EPHB6: variants seen among roughly 807,000 people sequenced by gnomAD.
EPHB6 encodes EPH receptor B6, also known as ephrin type-B receptor 6.
EPHB6 carries 51 observed loss-of-function variants against 107.0 expected under a neutral mutation model. That is an observed-to-expected ratio of 0.48 (90% CI 0.38 to 0.60). The LOEUF (loss-of-function observed/expected upper bound fraction) is 0.60. Among genes scored for constraint, EPHB6 ranks in the 20% least tolerant of loss-of-function variants. The pLI, the probability that EPHB6 is intolerant of heterozygous loss-of-function variation, is 0.00. For synonymous variants in EPHB6, 553 were observed against 549.0 expected, an observed-to-expected ratio of 1.01 and a Z score of -0.10; for missense variants, 1,141 against 1,355.5, an observed-to-expected ratio of 0.84 and a Z score of 2.48.
At chr7:142,862,430 CTTGGGGCACGAGGATCT>C (rs1586153948) in intron 3 of EPHB6, among the ~76,000 whole-genome samples, 2 of 152,228 alleles carry the variant, frequency 1.3e-5, no homozygotes, top group African/African-American at 4.8e-5. Flanking sequence ...ACATGCACCC[CTTGGGGCACGAGGATCT>C]TTGTTCACAA....
Position 142,867,892 on chromosome 7 carries a change from G to GT in EPHB6, c.1866-104dup. ...AGATGGGCAGGAGGGCCAGGCTGTC[G>GT]TCCCCCCTCCACAGACCGACTAAAG... On this transcript the variant is annotated intron_variant, in intron 12 of 19. Coordinates refer to ENST00000652003, the MANE Select transcript of EPHB6 (RefSeq NM_004445.6). The surrounding 1 kb of genome is among the most constrained non-coding windows in gnomAD (Gnocchi z 5.3). 1 of 1,511,940 alleles carries GT rather than the reference G, an allele frequency of 6.6e-7. No homozygotes were observed. Among genetic ancestry groups the GT allele is most frequent in the Non-Finnish European group, 9.0e-7 (1 of 1,113,558 alleles). The allele number at this position is 1,511,940 out of a possible 1,614,324, so 93.7% of individuals were successfully genotyped here. A position where few individuals can be genotyped will look rare whatever the true frequency, so the allele number is the denominator to read the frequency against.
Position 142,868,620 on chromosome 7 carries a change from G to A in EPHB6, c.2167G>A (p.Val723Met), listed in dbSNP as rs1325114736. 1.2e-6 allele frequency: 2 copies of A among 1,613,836 alleles called. No homozygotes were observed. Among genetic ancestry groups the A allele is most frequent in the Admixed American group, 1.7e-5 (1 of 60,020 alleles). ...GATGACCTTCCTGGGCCGGGCCGCA[G>A]TGCTGGGTCAGTTCCAGCACCCCAA... ...LQMTFLGRAA[V>M]LGQFQHPNIL... The change falls in exon 15 of 20, where the codon GTG becomes ATG. Residue 723 changes from valine to methionine, a missense_variant. Val to Met is a conservative substitution (Grantham distance 21). Coordinates refer to ENST00000652003, the MANE Select transcript of EPHB6 (RefSeq NM_004445.6). The surrounding 1 kb of genome is among the most constrained non-coding windows in gnomAD (Gnocchi z 4.2).
chr7:142,868,460 A>G lies in EPHB6; in HGVS notation c.2039-32A>G. ...ACACAGCAGGACGCTGTGAGCCTTG[A>G]TCCCCACCCCAACCTACACCTATTT... On this transcript the variant is annotated intron_variant, in intron 14 of 19. Transcript: ENST00000652003. This position sits in a 1 kb window ranked among gnomAD's most constrained non-coding sequence, Gnocchi z 4.2. The G allele has an allele frequency of 2.5e-6, 4 of 1,614,030 alleles. No homozygotes were observed. The South Asian group carries it at 4.4e-5, about 18-fold the overall frequency.
intron 6 of EPHB6, 83 bp downstream of exon 6, chr7:142,863,778 C>A: frequency 6.5e-7 from 1 of 1,535,944 alleles, no homozygotes; most frequent in Non-Finnish European, 9.0e-7. Flanking sequence ...ATGAAGGAAA[C>A]CCTGGGTGAG....
chr7:142,863,359 C>T, intron 5 of EPHB6, 32 bp downstream of exon 5: 10 of 1,595,658 alleles, frequency 6.3e-6, no homozygotes, highest in Non-Finnish European at 8.6e-6. Context: ...AGAACCCAGA[C>T]CTGCCATAGA....
chr7:142,868,068 A>T lies in EPHB6; in HGVS notation c.1918+19A>T. ...AGCCCAGGTGGGGATGAGGAGAGGA[A>T]ATGGGTGGGGCTGGGGAACACATGG... On this transcript the variant is annotated intron_variant, in intron 13 of 19. Coordinates refer to ENST00000652003, the MANE Select transcript of EPHB6 (RefSeq NM_004445.6). This position sits in a 1 kb window ranked among gnomAD's most constrained non-coding sequence, Gnocchi z 4.2. 6.2e-7 allele frequency: 1 copy of T among 1,609,506 alleles called. No homozygotes were observed. The highest frequency in any genetic ancestry group is 8.5e-7 in the Non-Finnish European group (1 of 1,177,952).
At position 142,868,563 on chromosome 7, in the gene EPHB6, G is replaced by A; in HGVS notation, c.2110G>A (p.Ala704Thr). 2 of 1,613,568 alleles carry A rather than the reference G, an allele frequency of 1.2e-6. No homozygotes were observed. Among genetic ancestry groups the A allele is most frequent in the Non-Finnish European group, 1.7e-6 (2 of 1,179,958 alleles). ...GAGGGAGCAGACTGTGGCCATCCAG[G>A]CCCTGTGGGCCGGGGGCGCCGAAAG... The part of the protein sequence containing the change: ...GRREQTVAIQ[A>T]LWAGGAESLQ... The change falls in exon 15 of 20, where the codon GCC (alanine) becomes ACC (threonine). Residue 704 changes from alanine (A) to threonine (T), a missense_variant. Ala to Thr is a moderately conservative substitution (Grantham distance 58). This residue lies in a region of EPHB6 where 616 missense variants were observed against 759.3 expected (regional missense o/e 0.81). Coordinates refer to ENST00000652003, the MANE Select transcript of EPHB6 (RefSeq NM_004445.6). The surrounding 1 kb of genome is among the most constrained non-coding windows in gnomAD (Gnocchi z 4.2).
rs200265818 is a variant in EPHB6 at position 142,870,409 on chromosome 7, T to A, written c.2804+2T>A. On this transcript the variant is annotated splice_donor_variant, in intron 18 of 19. Coordinates refer to ENST00000652003, the MANE Select transcript of EPHB6 (RefSeq NM_004445.6). LOFTEE classifies it high-confidence loss of function. Reference sequence around the variant, plus strand: ...GGCTGGCGGGGACCCAGGGGAAAGGTCTGGAGCTTGGGGCTAGAGCCTGGG... The same window carrying A: ...GGCTGGCGGGGACCCAGGGGAAAGGACTGGAGCTTGGGGCTAGAGCCTGGG... 6.2e-7 allele frequency: 1 copy of A among 1,613,920 alleles called. No individual in the cohort carries two copies. Among genetic ancestry groups the A allele is most frequent in the East Asian group, 2.2e-5 (1 of 44,880 alleles).
In EPHB6 at chr7:142,865,619, C is replaced by G. The variant is rs971382292; in HGVS notation, c.1094C>G (p.Ala365Gly). 1.9e-6 allele frequency: 3 copies of G among 1,613,256 alleles called. No individual in the cohort carries two copies. Among genetic ancestry groups the G allele is most frequent in the African/African-American group, 1.3e-5 (1 of 74,914 alleles). The change falls in exon 8 of 20, where the codon GCC becomes GGC. Residue 365 changes from alanine (A) to glycine (G), a missense_variant. This residue lies in a region of EPHB6 where 304 missense variants were observed against 295.7 expected (regional missense o/e 1.03). Transcript: ENST00000652003. ...CGGGCCAGTTCCGACCCACCAGAGG[C>G]CCCCTGCACTGGTGAGTTCCTCACC... ...FYRASSDPPE[A>G]PCTGPPSAPQ...
intron 1 of EPHB6, among the ~76,000 whole-genome samples, chr7:142,859,061 A>G (rs1802733305): frequency 6.6e-6 from 1 of 152,224 alleles, no homozygotes; most frequent in Non-Finnish European, 1.5e-5. Flanking sequence ...AAAACCTTAT[A>G]CACATCTGAA....
At position 142,866,466 on chromosome 7, in the gene EPHB6, C is replaced by T. The variant is rs1193314975; in HGVS notation, c.1463-15C>T. 1.2e-6 allele frequency: 2 copies of T among 1,614,058 alleles called. No individual in the cohort carries two copies. The highest frequency in any genetic ancestry group is 8.5e-7 in the Non-Finnish European group (1 of 1,180,022). Reference sequence around the variant, plus strand: ...GGACTCCTATCCCCATAATAATTTTCCTTTTGCACTCTAGTGCCCTCTGCT... The same window carrying T: ...GGACTCCTATCCCCATAATAATTTTTCTTTTGCACTCTAGTGCCCTCTGCT... On this transcript the variant is annotated splice_polypyrimidine_tract_variant and intron_variant, in intron 9 of 19. Transcript: ENST00000652003. The surrounding 1 kb of genome is among the most constrained non-coding windows in gnomAD (Gnocchi z 5.2).
Position 142,870,994 on chromosome 7 carries a change from A to T in EPHB6, c.*90A>T. The T allele has an allele frequency of 5.5e-6, 7 of 1,274,698 alleles. No individual in the cohort carries two copies. Among genetic ancestry groups the T allele is most frequent in the Non-Finnish European group, 7.7e-6 (7 of 911,986 alleles). The allele number at this position is 1,274,698 out of a possible 1,614,324, so 79.0% of individuals were successfully genotyped here. A position where few individuals can be genotyped will look rare whatever the true frequency, so the allele number is the denominator to read the frequency against. On this transcript the variant is annotated 3_prime_UTR_variant, in exon 20 of 20. Coordinates refer to ENST00000652003, the MANE Select transcript of EPHB6 (RefSeq NM_004445.6). ...CGGGCTCCAACAGCCTCTGTGAGAG[A>T]TGCCCCACACCAAACCCAACCCTCC...
In EPHB6 at chr7:142,864,355, C is replaced by T. The variant is rs146978351; in HGVS notation, c.555C>T (p.His185=). 9.9e-6 allele frequency: 16 copies of T among 1,613,374 alleles called. No homozygotes were observed. Among genetic ancestry groups the T allele is most frequent in the Non-Finnish European group, 1.2e-5 (14 of 1,180,038 alleles). The part of the protein sequence containing the change: ...SSSAAWAVGP[H]GAGQRAGLQL... ...CTGCAGCGTGGGCTGTGGGACCCCACGGGGCTGGGCAGCGGGCTGGACTGC... is the reference window on the plus strand; with the variant it reads ...CTGCAGCGTGGGCTGTGGGACCCCATGGGGCTGGGCAGCGGGCTGGACTGC... Residue 185 remains histidine (H), a synonymous_variant, in exon 7 of 20, where the codon CAC becomes CAT. Transcript: ENST00000652003.
Position 142,869,936 on chromosome 7 carries a change from A to T in EPHB6, c.2580A>T (p.Glu860Asp), listed in dbSNP as rs1794816765. The T allele has an allele frequency of 6.2e-7, 1 of 1,614,054 alleles. No homozygotes were observed. The highest frequency in any genetic ancestry group is 1.3e-5 in the African/African-American group (1 of 74,900). Residue 860 changes from glutamate to aspartate, a missense_variant, in exon 17 of 20, where the codon GAA (glutamate) becomes GAT (aspartate). By Grantham distance (45) the Glu-to-Asp change is conservative (BLOSUM62 2). Transcript: ENST00000652003. This position sits in a 1 kb window ranked among gnomAD's most constrained non-coding sequence, Gnocchi z 4.5. ...TGTGGGAAGTGATGAGTTATGGAGA[A>T]CGGCCTTACTGGGACATGAGTGAGC... ...ILMWEVMSYG[E>D]RPYWDMSEQE...
rs141064641 is a variant in EPHB6 at position 142,867,534 on chromosome 7, T to C, written c.1751-74T>C. 5.8e-4 allele frequency: 734 copies of C among 1,266,554 alleles called. 4 individuals carry two copies. The highest frequency in any genetic ancestry group is 2.3e-3 in the South Asian group (185 of 79,298). 78.5% of individuals were successfully genotyped at this position (1,266,554 alleles called of 1,614,324 possible). ...ATGTTGTGTGTGCCTGTGGTGTGTG[T>C]GGGTGCCTGGGCACATGAACAAGCA... On this transcript the variant is annotated intron_variant, in intron 11 of 19. Transcript: ENST00000652003. This position sits in a 1 kb window ranked among gnomAD's most constrained non-coding sequence, Gnocchi z 5.3.
At position 142,867,788 on chromosome 7, in the gene EPHB6, G is replaced by A; in HGVS notation, c.1865+66G>A. The A allele has an allele frequency of 6.7e-7, 1 of 1,502,198 alleles. No individual in the cohort carries two copies. The highest frequency in any genetic ancestry group is 9.1e-7 in the Non-Finnish European group (1 of 1,104,240). The allele number at this position is 1,502,198 out of a possible 1,614,324, so 93.1% of individuals were successfully genotyped here. On this transcript the variant is annotated intron_variant, in intron 12 of 19. Transcript: ENST00000652003. This position sits in a 1 kb window ranked among gnomAD's most constrained non-coding sequence, Gnocchi z 5.3. ...ACTCCACAGCCAAACCTCAAGTCCT[G>A]CCAAGTCTGGAGCCCCCTGCAGAAA...
intron 1 of EPHB6, among the ~76,000 whole-genome samples, chr7:142,856,861 A>G (rs8177111): frequency 0.037 from 5,560 of 152,182 alleles, 361 homozygotes; most frequent in African/African-American, 0.13. Context: ...AACAGCCCCC[A>G]TCTACACAGA....
chr7:142,867,836 TCAGC>T lies in EPHB6; in HGVS notation c.1865+120_1865+123del. ...AAACCTCACACTGGTGCTCCTCCCG[TCAGC>T]CAGCCCCTGCCCTGGGCCCCACGTG... On this transcript the variant is annotated intron_variant, in intron 12 of 19. Coordinates refer to ENST00000652003, the MANE Select transcript of EPHB6 (RefSeq NM_004445.6). This position sits in a 1 kb window ranked among gnomAD's most constrained non-coding sequence, Gnocchi z 5.3. The T allele has an allele frequency of 7.0e-7, 1 of 1,427,592 alleles. No individual in the cohort carries two copies. Among genetic ancestry groups the T allele is most frequent in the Non-Finnish European group, 9.6e-7 (1 of 1,037,760 alleles). The allele number at this position is 1,427,592 out of a possible 1,614,324, so 88.4% of individuals were successfully genotyped here. A position where few individuals can be genotyped will look rare whatever the true frequency, so the allele number is the denominator to read the frequency against.
chr7:142,863,331 A>G lies in EPHB6; in HGVS notation c.100+4A>G. On this transcript the variant is annotated splice_donor_region_variant and intron_variant, in intron 5 of 19. Transcript: ENST00000652003. ...TCTTCAGTTCTGGCTCTGGAAGGTA[A>G]GAGGGAGGGGAGACAGGAGAACCCA... 1.9e-6 allele frequency: 3 copies of G among 1,613,764 alleles called. No individual in the cohort carries two copies. The South Asian group carries it at 3.3e-5, about 18-fold the overall frequency.
Sources: allele counts gnomAD v4.1 joint callset (sites outside exome capture counted in the v4.1 genomes callset), GRCh38; gene constraint gnomAD v4.1.1; regional missense constraint gnomAD v4.1.1; non-coding constraint Gnocchi (gnomAD v3.1); transcripts MANE v1.5; gene names NCBI Gene and HGNC (gene_info 2026-07-23, HGNC 2026-07-21).